The following PIP4K2C variants were observed in gnomAD, a reference collection of about 807,000 sequenced individuals.
PIP4K2C encodes phosphatidylinositol 5-phosphate 4-kinase type-2 gamma.
PIP4K2C carries 21 observed loss-of-function variants against 45.0 expected under a neutral mutation model. The ratio of observed to expected loss-of-function variants is 0.47; its 90% CI spans 0.33 to 0.67. The LOEUF (loss-of-function observed/expected upper bound fraction) is 0.67. Among genes scored for constraint, PIP4K2C ranks in the 30% least tolerant of loss-of-function variants. PIP4K2C has a pLI of 0.02. For synonymous variants in PIP4K2C, 201 were observed against 204.8 expected (o/e 0.98, Z 0.16); for missense variants, 456 against 542.8 (o/e 0.84, Z 1.59).
At position 57,599,410 on chromosome 12, in the gene PIP4K2C, T is replaced by C; in HGVS notation, c.671T>C (p.Val224Ala). The C allele has an allele frequency of 6.2e-7, 1 of 1,614,118 alleles. No individual in the cohort carries two copies. Among genetic ancestry groups the C allele is most frequent in the Non-Finnish European group, 8.5e-7 (1 of 1,180,022 alleles). Residue 224 changes from valine (V) to alanine (A), a missense_variant, in exon 6 of 10, where the codon GTG becomes GCG. Physicochemically the swap from Val to Ala is moderately conservative, Grantham distance 64. Around this residue, in one of 2 missense-constraint regions of PIP4K2C, gnomAD observed 421 missense variants for 473.1 expected, o/e 0.89. Transcript: ENST00000354947. ...TGGGTCTTTCTGCAGGGTTCCCTAGTGTCCCGGGAAGCCAGCGATAAGGAA... is the reference window on the plus strand; with the variant it reads ...TGGGTCTTTCTGCAGGGTTCCCTAGCGTCCCGGGAAGCCAGCGATAAGGAA... Reference protein sequence around the residue: ...HRKYDLKGSLVSREASDKEKV... With the variant: ...HRKYDLKGSLASREASDKEKV...
chr12:57,600,881 A>C lies in PIP4K2C; in HGVS notation c.884A>C (p.Glu295Ala). 1 of 1,614,212 alleles carries C rather than the reference A, an allele frequency of 6.2e-7. No homozygotes were observed. Among genetic ancestry groups the C allele is most frequent in the Non-Finnish European group, 8.5e-7 (1 of 1,180,050 alleles). Residue 295 changes from glutamate (E) to alanine (A), a missense_variant, in exon 8 of 10, where the codon GAA becomes GCA. By Grantham distance (107) the Glu-to-Ala change is moderately radical. Transcript: ENST00000354947. ...ATCCACGACATCATTCGGGGCTCTG[A>C]ACCAGAGGAGGAAGCGCCCGTGCGG... ...LGIHDIIRGS[E>A]PEEEAPVRED...
intron 1 of PIP4K2C, 140 bp downstream of exon 1, chr12:57,591,603 C>G: frequency 1.1e-6 from 1 of 900,134 alleles, no homozygotes; most frequent in Non-Finnish European, 1.6e-6. Flanking sequence ...GCCCACCAAC[C>G]CCAGGTGTTC....
rs753026685 is a variant in PIP4K2C, at chr12:57,599,073, G to T, written c.522G>T (p.Val174=). 6.2e-7 allele frequency: 1 copy of T among 1,614,104 alleles called. No individual in the cohort carries two copies. The highest frequency in any genetic ancestry group is 1.1e-5 in the South Asian group (1 of 91,086). Reference sequence around the variant, plus strand: ...CCCCTCTTTCACTGTAGTACATTGTGAAGTGCCATGGCAACACGCTTCTGC... The same window carrying T: ...CCCCTCTTTCACTGTAGTACATTGTTAAGTGCCATGGCAACACGCTTCTGC... ...SNLSNYHQYI[V]KCHGNTLLPQ... Residue 174 remains valine (V), a synonymous_variant, in exon 5 of 10, where the codon GTG becomes GTT. Transcript: ENST00000354947.
Position 57,596,063 on chromosome 12 carries a change from TCTC to T in PIP4K2C, c.513+37_513+39del, listed in dbSNP as rs754562280. 12 of 1,600,646 alleles carry T rather than the reference TCTC, an allele frequency of 7.5e-6. No homozygotes were observed. In the Admixed American group the frequency reaches 1.8e-4, roughly 24 times the overall value. On this transcript the variant is annotated intron_variant, in intron 4 of 9. Transcript: ENST00000354947. ...CCTCTCTCTAGCCCCATTCTTTCCC[TCTC>T]CTCCCTACTCACATATAGCTCAGCT... is the stretch of plus-strand genomic sequence containing the variant.
intron 7 of PIP4K2C, 82 bp from the exon 8 acceptor site, chr12:57,600,729 G>A (rs1883391186): frequency 6.4e-7 from 1 of 1,554,052 alleles, no homozygotes; most frequent in African/African-American, 1.4e-5. Context: ...AAGGGCCCCA[G>A]AAATTCAAAG....
intron 1 of PIP4K2C, 126 bp downstream of exon 1, chr12:57,591,589 C>A: frequency 2.7e-6 from 3 of 1,096,246 alleles, no homozygotes; most frequent in Non-Finnish European, 3.8e-6. Context: ...TTGTCTTGGT[C>A]CCTGCCCACC....
intron 1 of PIP4K2C, among the ~76,000 whole-genome samples, chr12:57,592,263 T>C (rs1882996637): frequency 6.6e-6 from 1 of 152,164 alleles, no homozygotes. Context: ...CTCCATCCCC[T>C]TTCCTGAGGA....
In PIP4K2C at chr12:57,601,723, G is replaced by C. The variant is rs922211745; in HGVS notation, c.*117G>C. ...TTCCTTTGCTAAATTCAGGCTGCAG[G>C]CTCCTTCCATCCAGATAACTCCATC... On this transcript the variant is annotated 3_prime_UTR_variant, in exon 10 of 10. Coordinates refer to ENST00000354947, the MANE Select transcript of PIP4K2C (RefSeq NM_024779.5). The C allele has an allele frequency of 1.1e-5, 10 of 881,370 alleles. No individual in the cohort carries two copies. The highest frequency in any genetic ancestry group is 6.6e-5 in the African/African-American group (4 of 60,844). 54.6% of individuals were successfully genotyped at this position (881,370 alleles called of 1,614,324 possible).
chr12:57,593,610 G>A (rs1285023216), intron 1 of PIP4K2C, among the ~76,000 whole-genome samples: 2 of 146,980 alleles, frequency 1.4e-5, no homozygotes, highest in African/African-American at 2.6e-5. Flanking sequence ...ACACTCTTGT[G>A]CATTTTTAAA....
rs920502965 is a variant in PIP4K2C, at chr12:57,602,734, C to T, written c.*1128C>T. 3 of 152,702 alleles carry T rather than the reference C, an allele frequency of 2.0e-5. No individual in the cohort carries two copies. The highest frequency in any genetic ancestry group is 7.2e-5 in the African/African-American group (3 of 41,404). The allele number at this position is 152,702 out of a possible 1,614,324, so 9.5% of individuals were successfully genotyped here. A position where few individuals can be genotyped will look rare whatever the true frequency, so the allele number is the denominator to read the frequency against. ...CCTGTCTTATACTGCAACTGTGTCT[C>T]CTAGGGGACAGATGGCCTTCTTTGT... On this transcript the variant is annotated 3_prime_UTR_variant, in exon 10 of 10. Coordinates refer to ENST00000354947, the MANE Select transcript of PIP4K2C (RefSeq NM_024779.5).
At chr12:57,597,699 G>A (rs1883250953) in intron 4 of PIP4K2C, among the ~76,000 whole-genome samples, 1 of 152,186 alleles carries the variant, frequency 6.6e-6, no homozygotes, top group Non-Finnish European at 1.5e-5. Context: ...GCCCATAAAG[G>A]AAACTAAGAG....
At position 57,601,624 on chromosome 12, in the gene PIP4K2C, T is replaced by G. The variant is rs1883445438; in HGVS notation, c.*18T>G. On this transcript the variant is annotated 3_prime_UTR_variant, in exon 10 of 10. Transcript: ENST00000354947. ...TTGCCTAAGAGACTGCCTGGTTCTC[T>G]CTGATGTTCAAGGTGGTGGGGTTCT... The G allele has an allele frequency of 6.3e-7, 1 of 1,584,342 alleles. No homozygotes were observed. Among genetic ancestry groups the G allele is most frequent in the Admixed American group, 1.7e-5 (1 of 59,972 alleles).
intron 3 of PIP4K2C, 38 bp downstream of exon 3, chr12:57,595,260 C>T (rs1284185): frequency 0.043 from 56,769 of 1,305,644 alleles, 1,829 homozygotes; most frequent in African/African-American, 0.15. Context: ...GCCCTTTCTC[C>T]CCAGCAACTG....
At chr12:57,593,979 C>T (rs1883083066) in intron 1 of PIP4K2C, 46 bp from the exon 2 acceptor site, 1 of 1,487,904 alleles carries the variant, frequency 6.7e-7, no homozygotes, top group Non-Finnish European at 9.3e-7. Flanking sequence ...GGGTAGCTCT[C>T]CACACCCTTC....
intron 7 of PIP4K2C, 145 bp downstream of exon 7, chr12:57,600,582 A>G: frequency 3.7e-6 from 3 of 813,694 alleles, no homozygotes; most frequent in African/African-American, 1.7e-5. Context: ...AGTATGAGAC[A>G]TGAAAAACCC....
Position 57,601,249 on chromosome 12 carries a change from C to G in PIP4K2C, c.1086C>G (p.Ala362=). ...DVYAIRSAEG[A]PQKEVYFMGL... is the part of the protein sequence containing the mutation. ...AATTGTTGGTCTCTCTCCCAGGAGC[C>G]CCCCAGAAGGAGGTCTACTTCATGG... Residue 362 remains alanine (A), a synonymous_variant, in exon 9 of 10, where the codon GCC becomes GCG. Transcript: ENST00000354947. 1.2e-6 allele frequency: 2 copies of G among 1,611,368 alleles called. No homozygotes were observed. The highest frequency in any genetic ancestry group is 1.7e-6 in the Non-Finnish European group (2 of 1,178,238).
chr12:57,591,956 C>T (rs1288423828), intron 1 of PIP4K2C, among the ~76,000 whole-genome samples: 2 of 152,198 alleles, frequency 1.3e-5, no homozygotes, highest in African/African-American at 4.8e-5. Context: ...CTCGGGGAAG[C>T]TCCAGGTTTC....
At chr12:57,597,653 TGAG>T (rs1180686837) in intron 4 of PIP4K2C, among the ~76,000 whole-genome samples, 2 of 152,074 alleles carry the variant, frequency 1.3e-5, no homozygotes, top group African/African-American at 4.8e-5. Context: ...AAAAGAAGGT[TGAG>T]GACAGAACCT....
rs376134772 is a variant in PIP4K2C, at chr12:57,591,266, A to G, written c.-24A>G. 13 of 1,587,802 alleles carry G rather than the reference A, an allele frequency of 8.2e-6. No homozygotes were observed. In the East Asian group the frequency reaches 1.4e-4, roughly 17 times the overall value. Reference sequence around the variant, plus strand: ...TGGATAGCTGCCGGCTCCGGCTTCCACTTGGTCGGTTGCGCGGGAGACTAT... The same window carrying G: ...TGGATAGCTGCCGGCTCCGGCTTCCGCTTGGTCGGTTGCGCGGGAGACTAT... On this transcript the variant is annotated 5_prime_UTR_variant, in exon 1 of 10. Transcript: ENST00000354947.
Sources: gnomAD v4.1 joint callset for allele counts (sites outside exome capture counted in the v4.1 genomes callset) on GRCh38, gnomAD v4.1.1 for gene constraint, gnomAD v4.1.1 regional missense constraint, MANE v1.5 for transcripts, NCBI Gene and HGNC (gene_info 2026-07-23, HGNC 2026-07-21) for gene names.